COL6A5: variants seen among roughly 807,000 people sequenced by gnomAD.
COL6A5 encodes collagen type VI alpha 5 chain, also known as collagen alpha-5(VI) chain.
In COL6A5, 48 loss-of-function variants were observed where a neutral mutation model predicts 65.6. That is an observed-to-expected ratio of 0.73 (90% CI 0.58 to 0.93). COL6A5 has a LOEUF of 0.93. Ranked by LOEUF, COL6A5 falls within the 40% of genes least tolerant of loss-of-function variation. COL6A5 has a pLI of 0.00. For missense variants in COL6A5, 914 were observed against 928.3 expected (o/e 0.98, Z 0.20); for synonymous variants, 291 against 322.8 (o/e 0.90, Z 1.05).
At chr3:130,434,638 A>G (rs377378138) in intron 1 of COL6A5, among the ~76,000 whole-genome samples, 11 of 152,258 alleles carry the variant, frequency 7.2e-5, no homozygotes, top group East Asian at 1.9e-4. Context: ...TCTGACTGGC[A>G]TGAGATGGTA....
At chr3:130,405,421 C>G (rs201851531) in intron 13 of COL6A5, among the ~76,000 whole-genome samples, 167 bp from the exon 14 acceptor site, 1 of 152,114 alleles carries the variant, frequency 6.6e-6, no homozygotes, top group East Asian at 1.9e-4. Context: ...AGGGGAAAAA[C>G]AGACATAAAT....
In COL6A5 at chr3:130,423,834, G is replaced by A. The variant is rs1280039399; in HGVS notation, c.5101-4G>A. 1 of 1,548,142 alleles carries A rather than the reference G, an allele frequency of 6.5e-7. No individual in the cohort carries two copies. On this transcript the variant is annotated splice_polypyrimidine_tract_variant and splice_region_variant and intron_variant and NMD_transcript_variant, in intron 28 of 41. Transcript: ENST00000312481. ...CTAATGTATTAATATATTCCTATCTGCAGCTCACTGTAGGCTTGAAAGGTG... is the reference window on the plus strand; with the variant it reads ...CTAATGTATTAATATATTCCTATCTACAGCTCACTGTAGGCTTGAAAGGTG...
intron 7 of COL6A5, among the ~76,000 whole-genome samples, chr3:130,473,059 G>C (rs889610186): frequency 6.6e-6 from 1 of 150,652 alleles, no homozygotes; most frequent in Admixed American, 6.6e-5. Flanking sequence ...AGAGAAGATA[G>C]ATATAATAAA....
chr3:130,397,477 A>G (rs950929100), intron 8 of COL6A5, 106 bp from the exon 9 acceptor site: 3 of 777,736 alleles, frequency 3.9e-6, no homozygotes, highest in Middle Eastern at 3.8e-4. Flanking sequence ...TTTGGGGACT[A>G]GAGACCCTCT....
rs375896483 is a variant in COL6A5 at position 130,410,425 on chromosome 3, T to A, written c.4609-46T>A. On this transcript the variant is annotated intron_variant and NMD_transcript_variant, in intron 19 of 41. Coordinates refer to the COL6A5 transcript ENST00000312481. ...TGATGCTGATGCCTTTGTGATTTAT[T>A]CAGAATTTTTTCCTTTTGATCTTGA... The A allele has an allele frequency of 2.1e-6, 3 of 1,418,588 alleles. No individual in the cohort carries two copies. In the African/African-American group the frequency reaches 4.3e-5, roughly 20 times the overall value. 87.9% of individuals were successfully genotyped at this position (1,418,588 alleles called of 1,614,324 possible).
At chr3:130,478,295 C>T (rs991224962) in intron 7 of COL6A5, among the ~76,000 whole-genome samples, 1 of 152,026 alleles carries the variant, frequency 6.6e-6, no homozygotes, top group Non-Finnish European at 1.5e-5. Flanking sequence ...CTAGTGGTTA[C>T]GGTGAAAAGA....
chr3:130,377,574 A>ACTGCATTCTGCTGTGTTGAGCC (rs1463602310), intron 3 of COL6A5, among the ~76,000 whole-genome samples: 1 of 152,218 alleles, frequency 6.6e-6, no homozygotes, highest in African/African-American at 2.4e-5. Flanking sequence ...AATGCAGTGG[A>ACTGCATTCTGCTGTGTTGAGCC]CTGCATTCTG....
chr3:130,373,878 G>T (rs1403011561), intron 2 of COL6A5, among the ~76,000 whole-genome samples, 173 bp downstream of exon 2: 2 of 152,094 alleles, frequency 1.3e-5, no homozygotes, highest in East Asian at 1.9e-4. Context: ...AAAGCCATGA[G>T]CAAAAGTCAG....
intron 12 of COL6A5, 41 bp from the exon 13 acceptor site, chr3:130,403,565 TGGG>T: frequency 3.5e-6 from 5 of 1,444,380 alleles, no homozygotes; most frequent in Non-Finnish European, 4.7e-6. Context: ...TTGACTTTAT[TGGG>T]GGGGGGTGAC....
At chr3:130,388,076 A>ATAATATT (rs1239553376) in intron 5 of COL6A5, among the ~76,000 whole-genome samples, 5 of 152,152 alleles carry the variant, frequency 3.3e-5, no homozygotes, top group African/African-American at 9.6e-5. Flanking sequence ...TTTTTCTCCA[A>ATAATATT]TTTCTAATAT....
chr3:130,440,089 A>C, intron 2 of COL6A5, 77 bp from the exon 35 acceptor site: 1 of 1,104,002 alleles, frequency 9.1e-7, no homozygotes, highest in Admixed American at 2.7e-5. Flanking sequence ...TTAGTCACTG[A>C]GTCACTTGAA....
At chr3:130,379,538 G>C (rs1314737892) in exon 4 of COL6A5, 8 of 1,551,374 alleles carry the variant, frequency 5.2e-6, no homozygotes, top group Non-Finnish European at 7.0e-6. Flanking sequence ...AACATTACCA[G>C]CTCCATGGAT....
intron 7 of COL6A5, among the ~76,000 whole-genome samples, chr3:130,479,551 T>A (rs1710187200): frequency 6.6e-6 from 1 of 152,068 alleles, no homozygotes; most frequent in African/African-American, 2.4e-5. Context: ...GAACCCCCAA[T>A]ACCATAATTA....
chr3:130,388,701 T>C (rs1173708590), exon 6 of COL6A5: 6 of 1,551,206 alleles, frequency 3.9e-6, no homozygotes, highest in Non-Finnish European at 3.5e-6. Context: ...TTCAAATTGG[T>C]GCAGACAAAA....
At chr3:130,427,382 A>G (rs1196754723), upstream of COL6A5, among the ~76,000 whole-genome samples, 1 of 152,172 alleles carries the variant, frequency 6.6e-6, no homozygotes, top group African/African-American at 2.4e-5. Flanking sequence ...GAAGGAGACT[A>G]GATAAAAATG....
rs1489067674 is a variant in COL6A5 at position 130,394,842 on chromosome 3, T to G, written c.2993-48T>G. 4 of 1,432,324 alleles carry G rather than the reference T, an allele frequency of 2.8e-6. No homozygotes were observed. In the East Asian group the frequency reaches 9.9e-5, roughly 36 times the overall value. 88.7% of individuals were successfully genotyped at this position (1,432,324 alleles called of 1,614,324 possible). ...TTTAAGTATATGAGGAAAGGAAAAATTTCGAATGATTCATGAGGAAAATAA... is the reference window on the plus strand; with the variant it reads ...TTTAAGTATATGAGGAAAGGAAAAAGTTCGAATGATTCATGAGGAAAATAA... On this transcript the variant is annotated intron_variant and NMD_transcript_variant, in intron 7 of 41. Coordinates refer to the COL6A5 transcript ENST00000312481.
intron 23 of COL6A5, among the ~76,000 whole-genome samples, chr3:130,415,910 T>G (rs1317351332): frequency 1.3e-5 from 2 of 152,188 alleles, no homozygotes; most frequent in African/African-American, 4.8e-5. Context: ...GGGGTTTTAC[T>G]CTGAAAGCAC....
chr3:130,373,554 A>G, intron 1 of COL6A5, 57 bp from the exon 2 acceptor site: 2 of 779,592 alleles, frequency 2.6e-6, no homozygotes, highest in East Asian at 2.7e-5. Context: ...CTATCCTGAC[A>G]GTTACTTAAT....
intron 5 of COL6A5, among the ~76,000 whole-genome samples, chr3:130,459,531 A>C (rs563916698): frequency 6.6e-6 from 1 of 152,154 alleles, no homozygotes; most frequent in East Asian, 1.9e-4. Context: ...TAGTGAATAG[A>C]GATCATTGCT....
Sources: gnomAD v4.1 joint callset for allele counts (sites outside exome capture counted in the v4.1 genomes callset) on GRCh38, gnomAD v4.1.1 for gene constraint, MANE v1.5 for transcripts, NCBI Gene and HGNC (gene_info 2026-07-23, HGNC 2026-07-21) for gene names.